The following SATB2 variants were observed in gnomAD, a reference collection of about 807,000 sequenced individuals.
The protein encoded by SATB2 is DNA-binding protein SATB2.
In SATB2, 1 loss-of-function variant was observed where a neutral mutation model predicts 73.4. That is an observed-to-expected ratio of 0.01 (90% CI 0.00 to 0.06). The LOEUF is 0.06. Ranked by LOEUF, SATB2 falls within the 10% of genes least tolerant of loss-of-function variation. The probability of loss-of-function intolerance (pLI) is 1.00; values close to 1 mark genes in which losing one functional copy is unlikely to be tolerated. For synonymous variants in SATB2, 397 were observed against 367.0 expected (o/e 1.08, Z -0.93); for missense variants, 459 against 945.8 (o/e 0.49, Z 6.75).
At chr2:199,420,733 T>A (rs115006329) in intron 3 of SATB2, among the ~76,000 whole-genome samples, 9 of 152,130 alleles carry the variant, frequency 5.9e-5, no homozygotes, top group African/African-American at 1.9e-4. Flanking sequence ...TAGTTTGAAG[T>A]GCAAATGGGT....
At chr2:199,336,770 C>T (rs1162639182) in intron 7 of SATB2, among the ~76,000 whole-genome samples, 2 of 152,182 alleles carry the variant, frequency 1.3e-5, no homozygotes, top group African/African-American at 4.8e-5. Context: ...TGCCCTTCAT[C>T]TTCCACTCTG....
At chr2:199,384,268 G>A (rs1362986810) in intron 3 of SATB2, among the ~76,000 whole-genome samples, 1 of 152,186 alleles carries the variant, frequency 6.6e-6, no homozygotes, top group African/African-American at 2.4e-5. Flanking sequence ...GAAGAGAGCT[G>A]TTGGCACATG....
chr2:199,398,210 A>C (rs1261260347), intron 3 of SATB2, among the ~76,000 whole-genome samples: 1 of 152,208 alleles, frequency 6.6e-6, no homozygotes, highest in Non-Finnish European at 1.5e-5. Context: ...CTGCTGAATA[A>C]CCTGGGCCAC....
At chr2:199,467,692 C>T (rs1239297883), upstream of SATB2, among the ~76,000 whole-genome samples, 4 of 152,290 alleles carry the variant, frequency 2.6e-5, no homozygotes, top group East Asian at 7.7e-4. Flanking sequence ...TTCTTTAGCT[C>T]TCAGAAAGGA....
intron 10 of SATB2, among the ~76,000 whole-genome samples, chr2:199,279,043 A>G (rs142609899): frequency 9.6e-4 from 147 of 152,372 alleles, no homozygotes; most frequent in African/African-American, 3.3e-3. Context: ...ATAAACAAAT[A>G]GAAAGTTAAA....
intron 7 of SATB2, among the ~76,000 whole-genome samples, chr2:199,342,549 G>T (rs952024447): frequency 6.6e-6 from 1 of 152,038 alleles, no homozygotes; most frequent in Non-Finnish European, 1.5e-5. Flanking sequence ...CTAGAAACAC[G>T]TTAGTCTCAG....
At chr2:199,427,372 A>G (rs1454108161) in intron 3 of SATB2, among the ~76,000 whole-genome samples, 2 of 152,178 alleles carry the variant, frequency 1.3e-5, no homozygotes, top group African/African-American at 4.8e-5. Flanking sequence ...AGTGCAATTT[A>G]TAGATTTGTA....
Position 199,271,002 on chromosome 2 carries a change from GA to G in SATB2, c.*1208del, listed in dbSNP as rs1260166934. The G allele has an allele frequency of 6.6e-6, 1 of 152,360 alleles. No individual in the cohort carries two copies. Among genetic ancestry groups the G allele is most frequent in the Non-Finnish European group, 1.5e-5 (1 of 68,052 alleles). The allele number at this position is 152,360 out of a possible 1,614,324, so 9.4% of individuals were successfully genotyped here. A position where few individuals can be genotyped will look rare whatever the true frequency, so the allele number is the denominator to read the frequency against. On this transcript the variant is annotated 3_prime_UTR_variant, in exon 11 of 11. Coordinates refer to ENST00000417098, the MANE Select transcript of SATB2 (RefSeq NM_001172509.2). ...AGCAGAAATCAGAAATGTCTTTTGGGAGAGGGAAGGATGGAGATTTATTTGA... is the reference window on the plus strand; with the variant it reads ...AGCAGAAATCAGAAATGTCTTTTGGGGAGGGAAGGATGGAGATTTATTTGA...
At chr2:199,328,458 T>C (rs1045322063) in intron 8 of SATB2, among the ~76,000 whole-genome samples, 9 of 152,030 alleles carry the variant, frequency 5.9e-5, no homozygotes, top group African/African-American at 2.2e-4. Context: ...GGAGAATTCC[T>C]TGAACCCAGG....
At chr2:199,434,319 A>G (rs570617856) in intron 2 of SATB2, among the ~76,000 whole-genome samples, 7 of 152,358 alleles carry the variant, frequency 4.6e-5, no homozygotes, top group African/African-American at 1.7e-4. Context: ...ACTACCCTAA[A>G]GAATAAAGCA....
At chr2:199,292,985 G>C (rs1435881411) in intron 10 of SATB2, among the ~76,000 whole-genome samples, 1 of 152,102 alleles carries the variant, frequency 6.6e-6, no homozygotes, top group Non-Finnish European at 1.5e-5. Context: ...TATTAGATAT[G>C]ATTTTATTTA....
intron 3 of SATB2, among the ~76,000 whole-genome samples, chr2:199,415,709 A>T (rs1287209901): frequency 1.3e-5 from 2 of 152,080 alleles, no homozygotes; most frequent in Non-Finnish European, 2.9e-5. Context: ...GTGGCCCATC[A>T]CCTCTCTAAT....
intron 8 of SATB2, among the ~76,000 whole-genome samples, chr2:199,326,442 G>C (rs533938791): frequency 1.3e-5 from 2 of 152,192 alleles, no homozygotes; most frequent in South Asian, 2.1e-4. Flanking sequence ...GCAAAATACT[G>C]ACCCTAACTG....
chr2:199,379,682 C>CTTTTTTTTTT (rs71015899), intron 5 of SATB2, among the ~76,000 whole-genome samples: 10 of 108,224 alleles, frequency 9.2e-5, no homozygotes, highest in African/African-American at 2.7e-4. Flanking sequence ...CTTTTCTTTT[C>CTTTTTTTTTT]TTTTTTTTTT....
chr2:199,411,069 A>T (rs1347892720), intron 3 of SATB2, among the ~76,000 whole-genome samples: 1 of 152,030 alleles, frequency 6.6e-6, no homozygotes, highest in East Asian at 1.9e-4. Context: ...TATGATAAGG[A>T]TCTCATTTGG....
At chr2:199,433,618 T>C (rs538318594) in intron 2 of SATB2, 104 bp from the exon 3 acceptor site, 1 of 1,065,200 alleles carries the variant, frequency 9.4e-7, no homozygotes, top group East Asian at 2.4e-5. Context: ...TCATCTGTGA[T>C]CGACAGTGGT....
intron 9 of SATB2, among the ~76,000 whole-genome samples, chr2:199,321,490 A>T (rs1251734683): frequency 6.6e-6 from 1 of 151,400 alleles, no homozygotes; most frequent in African/African-American, 2.4e-5. Context: ...ACATGTATAT[A>T]TGTGTATATA....
intron 3 of SATB2, among the ~76,000 whole-genome samples, chr2:199,383,290 T>C (rs1448184311): frequency 6.6e-6 from 1 of 152,156 alleles, no homozygotes; most frequent in East Asian, 1.9e-4. Flanking sequence ...ATAGTTTTCT[T>C]AACATTCTCT....
chr2:199,388,316 T>C (rs541316071), intron 3 of SATB2, among the ~76,000 whole-genome samples: 2 of 152,286 alleles, frequency 1.3e-5, no homozygotes, highest in African/African-American at 4.8e-5. Flanking sequence ...GAGAAGCTTA[T>C]TATTGCTAAA....
Sources: gnomAD v4.1 joint callset for allele counts (sites outside exome capture counted in the v4.1 genomes callset) on GRCh38, gnomAD v4.1.1 for gene constraint, MANE v1.5 for transcripts, NCBI Gene and HGNC (gene_info 2026-07-23, HGNC 2026-07-21) for gene names.